Variants in DGKH observed in about 807,000 individuals in gnomAD.
DGKH encodes DAG kinase eta.
In DGKH, 90 loss-of-function variants were observed where a neutral mutation model predicts 159.3. That is an observed-to-expected ratio of 0.57 (90% CI 0.48 to 0.67). The LOEUF is 0.67. Among genes scored for constraint, DGKH ranks in the 30% least tolerant of loss-of-function variants. DGKH has a pLI of 0.00. For missense variants in DGKH, 1,181 were observed against 1,506.1 expected (o/e 0.78, Z 3.57); for synonymous variants, 536 against 553.8 (o/e 0.97, Z 0.45).
chr13:42,161,891 T>TA (rs943464163), intron 7 of DGKH, among the ~76,000 whole-genome samples: 2 of 151,838 alleles, frequency 1.3e-5, no homozygotes, highest in African/African-American at 4.8e-5. Context: ...ATCTTTACTT[T>TA]AAAAAAAAAT....
At chr13:42,168,066 C>T (rs1487798327) in intron 9 of DGKH, among the ~76,000 whole-genome samples, 1 of 152,110 alleles carries the variant, frequency 6.6e-6, no homozygotes, top group East Asian at 1.9e-4. Context: ...CATCAGCACC[C>T]TAGATTCCTT....
chr13:42,128,893 G>A (rs373928286), intron 2 of DGKH, among the ~76,000 whole-genome samples: 24 of 152,250 alleles, frequency 1.6e-4, no homozygotes, highest in South Asian at 1.2e-3. Context: ...TCTAGTTTCC[G>A]CAGTTCTTGC....
At chr13:42,070,636 A>G in intron 1 of DGKH, 1 of 1,611,780 alleles carries the variant, frequency 6.2e-7, no homozygotes. Context: ...AGTTGGTTTG[A>G]GATCTCTGTG....
chr13:42,248,190 G>A (rs115488423), intron 29 of DGKH, among the ~76,000 whole-genome samples: 2,291 of 152,192 alleles, frequency 0.015, 38 homozygotes, highest in East Asian at 0.04. Flanking sequence ...GGGAGGCCCA[G>A]GCAGGCCTAT....
At chr13:42,172,270 C>T (rs961494840) in intron 11 of DGKH, among the ~76,000 whole-genome samples, 1 of 151,574 alleles carries the variant, frequency 6.6e-6, no homozygotes, top group African/African-American at 2.4e-5. Context: ...TGCCACCACA[C>T]CCAGCTGATT....
intron 30 of DGKH, among the ~76,000 whole-genome samples, chr13:42,254,981 A>G (rs1958647449): frequency 6.6e-6 from 1 of 152,102 alleles, no homozygotes; most frequent in Admixed American, 6.6e-5. Flanking sequence ...ACATTGCTAG[A>G]CAAAAATTTT....
At chr13:42,062,212 A>G (rs756057602) in intron 1 of DGKH, among the ~76,000 whole-genome samples, 17 of 152,254 alleles carry the variant, frequency 1.1e-4, no homozygotes, top group East Asian at 7.7e-4. Context: ...TCTGTTTCCA[A>G]AGTAAGGCAG....
chr13:42,073,731 T>C (rs1034137544), intron 1 of DGKH, among the ~76,000 whole-genome samples: 2 of 152,228 alleles, frequency 1.3e-5, no homozygotes, highest in Non-Finnish European at 2.9e-5. Context: ...GGAGCATCTG[T>C]ATATGGTATA....
chr13:42,063,242 C>G (rs369033436), intron 1 of DGKH, among the ~76,000 whole-genome samples: 3 of 151,940 alleles, frequency 2.0e-5, no homozygotes, highest in South Asian at 4.2e-4. Context: ...GCTGAAAGAA[C>G]AGCAAATGCA....
chr13:42,127,169 A>T (rs1170161), intron 1 of DGKH, among the ~76,000 whole-genome samples: 1 of 151,974 alleles, frequency 6.6e-6, no homozygotes, highest in Admixed American at 6.6e-5. Context: ...ACCATACTTA[A>T]TATATACAAG....
At position 42,210,682 on chromosome 13, in the gene DGKH, C is replaced by T; in HGVS notation, c.2931C>T (p.Tyr977=). 6.2e-7 allele frequency: 1 copy of T among 1,612,168 alleles called. No individual in the cohort carries two copies. Among genetic ancestry groups the T allele is most frequent in the Non-Finnish European group, 8.5e-7 (1 of 1,179,944 alleles). Residue 977 remains tyrosine, a synonymous_variant, in exon 24 of 30, where the codon TAC becomes TAT. Coordinates refer to ENST00000337343, the MANE Select transcript of DGKH (RefSeq NM_178009.5). ...AACCAGTTCTCCGAACCCATTTGTA[C>T]ATCCATCACGCCATTGACTTGGCAA... ...SGKPVLRTHL[Y]IHHAIDLATE... is the part of the protein sequence containing the mutation.
intron 26 of DGKH, among the ~76,000 whole-genome samples, chr13:42,218,613 A>G (rs1367135425): frequency 1.3e-5 from 2 of 150,310 alleles, no homozygotes; most frequent in East Asian, 2.0e-4. Flanking sequence ...GGCTCAAGCA[A>G]TTCTCTTGCC....
intron 11 of DGKH, 84 bp from the exon 12 acceptor site, chr13:42,173,976 T>TGC: frequency 4.9e-6 from 4 of 818,584 alleles, no homozygotes. Context: ...TGTGTGTGTG[T>TGC]GTGTGTGCGC....
At chr13:42,179,719 G>T (rs1424672373) in intron 13 of DGKH, among the ~76,000 whole-genome samples, 2 of 149,294 alleles carry the variant, frequency 1.3e-5, no homozygotes, top group African/African-American at 4.9e-5. Flanking sequence ...GGTGGAGGTT[G>T]TACTAGAGCT....
At position 42,237,414 on chromosome 13, in the gene DGKH, T is replaced by C. The variant is rs9590678; in HGVS notation, c.*8226T>C. The C allele has an allele frequency of 2.6e-5, 4 of 152,050 alleles. No homozygotes were observed. The highest frequency in any genetic ancestry group is 9.7e-5 in the African/African-American group (4 of 41,392). 9.4% of individuals were successfully genotyped at this position (152,050 alleles called of 1,614,324 possible). On this transcript the variant is annotated 3_prime_UTR_variant, in exon 30 of 30. Coordinates refer to ENST00000337343, the MANE Select transcript of DGKH (RefSeq NM_178009.5). ...TGGAAGTGGGGGAAAAAAAGAAAAC[T>C]GGTGAGAGAAATTACATGGAAATTA...
chr13:42,219,073 A>AT (rs1346081969), intron 26 of DGKH, among the ~76,000 whole-genome samples, 157 bp from the exon 27 acceptor site: 1 of 152,260 alleles, frequency 6.6e-6, no homozygotes, highest in African/African-American at 2.4e-5. Flanking sequence ...TGAAATCAAT[A>AT]TAAAAGAATT....
intron 3 of DGKH, among the ~76,000 whole-genome samples, chr13:42,142,156 G>C (rs141334971): frequency 0.014 from 2,185 of 152,030 alleles, 35 homozygotes; most frequent in South Asian, 0.082. Context: ...ATAGGGAATC[G>C]TTTCCCCATT....
chr13:42,199,713 G>A (rs764378941), intron 19 of DGKH, 37 bp downstream of exon 19: 2 of 1,559,402 alleles, frequency 1.3e-6, no homozygotes, highest in Admixed American at 2.0e-5. Flanking sequence ...ATTACATAAA[G>A]GCAATTTTTT....
rs570610800 is a variant in DGKH, at chr13:42,223,976, T to G, written c.3573+2582T>G. Among the ~76,000 whole-genome samples the G allele has an allele frequency of 9.8e-5, 15 of 152,290 alleles. 1 individual carries two copies. The East Asian group carries it at 1.2e-3, about 12-fold the overall frequency. On this transcript the variant is annotated intron_variant, in intron 29 of 29. Transcript: ENST00000337343. ...ATATACCTTATTTAACACCCACTTA[T>G]GAGTGAGAACATGCAATGTTTGTCT...
Sources: allele counts gnomAD v4.1 joint callset (sites outside exome capture counted in the v4.1 genomes callset), GRCh38; gene constraint gnomAD v4.1.1; transcripts MANE v1.5; gene names NCBI Gene and HGNC (gene_info 2026-07-23, HGNC 2026-07-21).